ERI3: variants seen among roughly 807,000 people sequenced by gnomAD.
ERI3 encodes the protein ERI1 exoribonuclease 3.
In ERI3, 18 loss-of-function variants were observed where a neutral mutation model predicts 44.4. The observed-to-expected ratio is 0.41, with a 90% CI of 0.28 to 0.60. The LOEUF (loss-of-function observed/expected upper bound fraction) is 0.60, where lower values mean the gene tolerates loss of function less well. Among genes scored for constraint, ERI3 ranks in the 20% least tolerant of loss-of-function variants. The pLI is 0.36. For synonymous variants in ERI3, 183 were observed against 164.8 expected, an observed-to-expected ratio of 1.11 and a Z score of -0.84; for missense variants, 294 against 435.5, an observed-to-expected ratio of 0.68 and a Z score of 2.89.
intron 6 of ERI3, among the ~76,000 whole-genome samples, chr1:44,306,062 TC>T (rs1293767676): frequency 1.3e-5 from 2 of 152,244 alleles, no homozygotes. Context: ...TACTTAGGTT[TC>T]CTCTCCGGCT....
At chr1:44,234,174 A>C (rs185701067) in intron 8 of ERI3, among the ~76,000 whole-genome samples, 1 of 151,918 alleles carries the variant, frequency 6.6e-6, no homozygotes, top group Admixed American at 6.5e-5. Flanking sequence ...CTGGAGCTTT[A>C]ATTACCATAT....
intron 2 of ERI3, among the ~76,000 whole-genome samples, chr1:44,342,815 ATATATATAT>A (rs1646684251): frequency 5.5e-4 from 5 of 9,070 alleles, no homozygotes; most frequent in African/African-American, 1.6e-3. Flanking sequence ...TCCAGCTAAT[ATATATATAT>A]ATATATATAT....
intron 6 of ERI3, among the ~76,000 whole-genome samples, chr1:44,299,920 G>A (rs1443607074): frequency 6.6e-6 from 1 of 152,124 alleles, no homozygotes; most frequent in Non-Finnish European, 1.5e-5. Flanking sequence ...AGACTGCCCT[G>A]AAGAGCCACC....
At chr1:44,254,054 T>C (rs1644734334) in intron 7 of ERI3, among the ~76,000 whole-genome samples, 1 of 152,230 alleles carries the variant, frequency 6.6e-6, no homozygotes, top group African/African-American at 2.4e-5. Context: ...CTCCTGGATA[T>C]ACTCTGCAGA....
At chr1:44,327,878 A>C (rs546342927) in intron 3 of ERI3, among the ~76,000 whole-genome samples, 201 of 152,348 alleles carry the variant, frequency 1.3e-3, no homozygotes, top group African/African-American at 4.7e-3. Flanking sequence ...ATATTGCCTT[A>C]AGATACACTA....
At chr1:44,310,329 C>A (rs1235654606) in intron 5 of ERI3, among the ~76,000 whole-genome samples, 1 of 152,162 alleles carries the variant, frequency 6.6e-6, no homozygotes, top group Non-Finnish European at 1.5e-5. Context: ...GGTACATGTG[C>A]AATAATTTTG....
At chr1:44,312,607 G>C (rs1251684596) in intron 5 of ERI3, among the ~76,000 whole-genome samples, 1 of 152,192 alleles carries the variant, frequency 6.6e-6, no homozygotes, top group Non-Finnish European at 1.5e-5. Context: ...TAATTATTCT[G>C]ATTAGGAATC....
At chr1:44,333,945 C>G (rs566508401) in intron 3 of ERI3, among the ~76,000 whole-genome samples, 4 of 152,342 alleles carry the variant, frequency 2.6e-5, no homozygotes, top group African/African-American at 9.6e-5. Flanking sequence ...GAAAAAAATG[C>G]TCCTGTGGAC....
intron 8 of ERI3, among the ~76,000 whole-genome samples, chr1:44,234,446 G>A (rs890520831): frequency 4.6e-5 from 7 of 151,768 alleles, no homozygotes; most frequent in South Asian, 2.1e-4. Context: ...GGCAAATCAC[G>A]AGGTCAGGAT....
intron 2 of ERI3, among the ~76,000 whole-genome samples, chr1:44,349,229 T>G (rs1205618146): frequency 1.8e-4 from 28 of 152,182 alleles, no homozygotes; most frequent in Non-Finnish European, 7.3e-5. Context: ...CTCAGCTCAT[T>G]GCAACCTCCA....
At chr1:44,282,064 G>A (rs1420997137) in intron 7 of ERI3, among the ~76,000 whole-genome samples, 4 of 152,050 alleles carry the variant, frequency 2.6e-5, no homozygotes, top group South Asian at 4.1e-4. Flanking sequence ...CAGCAAACAC[G>A]GGCCTGCTCC....
chr1:44,283,700 A>G (rs976682670), intron 7 of ERI3, among the ~76,000 whole-genome samples: 10 of 152,088 alleles, frequency 6.6e-5, no homozygotes, highest in African/African-American at 2.2e-4. Flanking sequence ...AAAGCAAACA[A>G]CTTCACAAAT....
At chr1:44,247,378 T>C (rs1572103492) in intron 8 of ERI3, among the ~76,000 whole-genome samples, 1 of 152,112 alleles carries the variant, frequency 6.6e-6, no homozygotes. Context: ...TATACCCCCA[T>C]TTGGTACCCC....
chr1:44,292,703 T>G (rs1645533344), intron 6 of ERI3, among the ~76,000 whole-genome samples: 1 of 152,198 alleles, frequency 6.6e-6, no homozygotes, highest in Non-Finnish European at 1.5e-5. Flanking sequence ...CTGGGGGGAA[T>G]GCACTGCTGA....
At chr1:44,234,381 C>G (rs1394100406) in intron 8 of ERI3, among the ~76,000 whole-genome samples, 1 of 152,042 alleles carries the variant, frequency 6.6e-6, no homozygotes, top group Non-Finnish European at 1.5e-5. Flanking sequence ...TCTTAAAACC[C>G]GGGCTGGGCG....
chr1:44,311,754 T>C (rs971349322), intron 5 of ERI3, among the ~76,000 whole-genome samples: 3 of 152,078 alleles, frequency 2.0e-5, no homozygotes, highest in Non-Finnish European at 4.4e-5. Flanking sequence ...AAGGTGCCTG[T>C]CTTCTGGCAT....
intron 4 of ERI3, among the ~76,000 whole-genome samples, chr1:44,319,166 T>C (rs1402882387): frequency 6.6e-6 from 1 of 152,184 alleles, no homozygotes; most frequent in Non-Finnish European, 1.5e-5. Flanking sequence ...CTTCCCTCGG[T>C]GACAGAATGT....
intron 8 of ERI3, 107 bp downstream of exon 8, chr1:44,247,832 T>C (rs910507935): frequency 3.3e-5 from 22 of 667,162 alleles, no homozygotes; most frequent in African/African-American, 2.7e-4. Flanking sequence ...GAGAGCCCTG[T>C]TGGGGCACTG....
chr1:44,281,531 C>T (rs1023418345), intron 7 of ERI3, among the ~76,000 whole-genome samples: 10 of 145,772 alleles, frequency 6.9e-5, no homozygotes, highest in South Asian at 2.1e-4. Flanking sequence ...AAGGCTGCAG[C>T]GAGCCATGTT....
Sources: allele counts gnomAD v4.1 joint callset (sites outside exome capture counted in the v4.1 genomes callset), GRCh38; gene constraint gnomAD v4.1.1; transcripts MANE v1.5; gene names NCBI Gene and HGNC (gene_info 2026-07-23, HGNC 2026-07-21).